The following KHDRBS2 variants were observed in gnomAD, a reference collection of about 807,000 sequenced individuals.
KHDRBS2 encodes the protein KH domain-containing, RNA-binding, signal transduction-associated protein 2.
In KHDRBS2, 26 loss-of-function variants were observed where a neutral mutation model predicts 44.3. The ratio of observed to expected loss-of-function variants is 0.59; its 90% CI spans 0.43 to 0.81. KHDRBS2 has a LOEUF of 0.81. Ranked by LOEUF, KHDRBS2 falls within the 40% of genes least tolerant of loss-of-function variation. The pLI is 0.00. For missense variants in KHDRBS2, 476 were observed against 433.1 expected (o/e 1.10, Z -0.88); for synonymous variants, 194 against 151.1 (o/e 1.28, Z -2.08).
intron 6 of KHDRBS2, among the ~76,000 whole-genome samples, chr6:61,891,390 TTC>T (rs1243896064): frequency 6.6e-6 from 1 of 152,214 alleles, no homozygotes; most frequent in Non-Finnish European, 1.5e-5. Flanking sequence ...TGGTCTAAAA[TTC>T]TCTTTTTTTG....
chr6:61,985,705 A>G (rs2127238126), intron 3 of KHDRBS2, among the ~76,000 whole-genome samples: 1 of 152,242 alleles, frequency 6.6e-6, no homozygotes, highest in Non-Finnish European at 1.5e-5. Flanking sequence ...AATAAACCAA[A>G]AACAATAGGC....
intron 4 of KHDRBS2, among the ~76,000 whole-genome samples, chr6:61,965,052 G>A (rs113125445): frequency 0.016 from 2,466 of 152,156 alleles, 38 homozygotes; most frequent in African/African-American, 0.032. Flanking sequence ...GAATGTAAAC[G>A]AAGTTCTGTT....
At chr6:61,930,589 C>T (rs1243349636) in intron 4 of KHDRBS2, among the ~76,000 whole-genome samples, 1 of 124,364 alleles carries the variant, frequency 8.0e-6, no homozygotes, top group African/African-American at 3.3e-5. Flanking sequence ...TCTAGTTACT[C>T]GGGAGGCTGA....
At chr6:62,110,856 AT>A (rs987265152) in intron 2 of KHDRBS2, among the ~76,000 whole-genome samples, 1 of 152,092 alleles carries the variant, frequency 6.6e-6, no homozygotes, top group Non-Finnish European at 1.5e-5. Context: ...AGCTGTGCAT[AT>A]TTTATATGTG....
At chr6:62,277,903 G>C (rs772189812) in intron 1 of KHDRBS2, among the ~76,000 whole-genome samples, 1 of 152,080 alleles carries the variant, frequency 6.6e-6, no homozygotes, top group Non-Finnish European at 1.5e-5. Flanking sequence ...GAGGATGCTT[G>C]GCCATGACCT....
intron 6 of KHDRBS2, among the ~76,000 whole-genome samples, chr6:61,875,242 T>C (rs1213646825): frequency 1.3e-5 from 2 of 151,664 alleles, no homozygotes; most frequent in African/African-American, 4.8e-5. Flanking sequence ...AAGAATTCCA[T>C]GCAGAGTAAA....
chr6:62,018,174 G>T (rs1345078420), intron 3 of KHDRBS2, among the ~76,000 whole-genome samples: 1 of 148,098 alleles, frequency 6.8e-6, no homozygotes, highest in Non-Finnish European at 1.5e-5. Context: ...ACGGAGTCTT[G>T]CTCCGTCTCA....
At chr6:61,954,109 AG>A (rs1172471295) in intron 4 of KHDRBS2, among the ~76,000 whole-genome samples, 1 of 152,160 alleles carries the variant, frequency 6.6e-6, no homozygotes, top group Non-Finnish European at 1.5e-5. Context: ...GGCATCTCAG[AG>A]TGCCACAAGG....
At chr6:62,079,945 G>A (rs1797080173) in intron 2 of KHDRBS2, among the ~76,000 whole-genome samples, 2 of 152,100 alleles carry the variant, frequency 1.3e-5, no homozygotes, top group South Asian at 4.1e-4. Flanking sequence ...CTGCAAGGCA[G>A]CACATTTGAC....
intron 4 of KHDRBS2, among the ~76,000 whole-genome samples, chr6:61,970,415 C>T (rs771501888): frequency 1.2e-4 from 18 of 151,960 alleles, no homozygotes; most frequent in Non-Finnish European, 2.5e-4. Flanking sequence ...CTGAGCATAT[C>T]TTGGTAAAAT....
intron 7 of KHDRBS2, among the ~76,000 whole-genome samples, chr6:61,699,111 T>C (rs190736468): frequency 3.3e-4 from 50 of 152,220 alleles, no homozygotes; most frequent in African/African-American, 1.1e-3. Context: ...TCATTTGCTG[T>C]CGTTGTTCCA....
intron 1 of KHDRBS2, among the ~76,000 whole-genome samples, chr6:62,241,839 T>C (rs548372915): frequency 6.6e-5 from 10 of 151,334 alleles, no homozygotes; most frequent in East Asian, 5.8e-4. Flanking sequence ...ATAGGTATTA[T>C]ATATATGCAT....
the KHDRBS2 span, among the ~76,000 whole-genome samples, chr6:61,665,146 AAAAT>A: frequency 3.3e-5 from 5 of 151,580 alleles, no homozygotes; most frequent in Admixed American, 3.3e-4. Context: ...CTTCCAATTA[AAAAT>A]AAATATAGTA....
the KHDRBS2 span, among the ~76,000 whole-genome samples, chr6:61,672,697 G>GT: frequency 8.1e-4 from 120 of 148,246 alleles, no homozygotes; most frequent in African/African-American, 2.8e-3. Flanking sequence ...GGGGTTGTGT[G>GT]TTTTTTTCTT....
the KHDRBS2 span, among the ~76,000 whole-genome samples, chr6:61,667,896 A>T: frequency 6.6e-6 from 1 of 151,270 alleles, no homozygotes; most frequent in Admixed American, 6.6e-5. Context: ...TACTTAAAAT[A>T]TTCAAATATC....
At chr6:62,163,680 T>A (rs1026081756) in intron 2 of KHDRBS2, among the ~76,000 whole-genome samples, 1 of 151,992 alleles carries the variant, frequency 6.6e-6, no homozygotes, top group African/African-American at 2.4e-5. Context: ...TACAATGGTT[T>A]AATGCAAAGA....
the KHDRBS2 span, among the ~76,000 whole-genome samples, chr6:61,582,082 A>T: frequency 6.6e-6 from 1 of 151,982 alleles, no homozygotes; most frequent in East Asian, 1.9e-4. Context: ...AAGCAAGTGA[A>T]CCCCTTTTGG....
At chr6:62,230,846 A>C (rs1832782647) in intron 1 of KHDRBS2, among the ~76,000 whole-genome samples, 1 of 152,152 alleles carries the variant, frequency 6.6e-6, no homozygotes, top group Non-Finnish European at 1.5e-5. Flanking sequence ...TTTATTTTTT[A>C]CTTAATAACC....
chr6:62,206,880 T>A (rs1311628399), intron 1 of KHDRBS2, among the ~76,000 whole-genome samples: 1 of 152,110 alleles, frequency 6.6e-6, no homozygotes, highest in Non-Finnish European at 1.5e-5. Flanking sequence ...TCAGTAAAAA[T>A]TCCTTAATTT....
Sources: allele counts gnomAD v4.1 joint callset (sites outside exome capture counted in the v4.1 genomes callset), GRCh38; gene constraint gnomAD v4.1.1; transcripts MANE v1.5; gene names NCBI Gene and HGNC (gene_info 2026-07-23, HGNC 2026-07-21).